PIGN: variants seen among roughly 807,000 people sequenced by gnomAD.
The protein encoded by PIGN is GPI ethanolamine phosphate transferase 1.
PIGN carries 117 observed loss-of-function variants against 125.4 expected under a neutral mutation model. That is an observed-to-expected ratio of 0.93 (90% CI 0.80 to 1.09). The LOEUF is 1.09. Ranked by LOEUF, PIGN falls within the 50% of genes least tolerant of loss-of-function variation. The pLI, the probability that PIGN is intolerant of heterozygous loss-of-function variation, is 0.00. For missense variants in PIGN, 1,075 were observed against 1,094.9 expected, an observed-to-expected ratio of 0.98 and a Z score of 0.26; for synonymous variants, 392 against 377.8, an observed-to-expected ratio of 1.04 and a Z score of -0.44.
intron 21 of PIGN, 111 bp downstream of exon 21, chr18:62,102,683 A>G (rs2034490642): frequency 1.8e-6 from 1 of 543,186 alleles, no homozygotes; most frequent in Non-Finnish European, 3.2e-6. Context: ...CAGCTGGCAG[A>G]TACTAAGTAG....
intron 7 of PIGN, among the ~76,000 whole-genome samples, chr18:62,148,594 G>T (rs972213025): frequency 3.3e-5 from 5 of 152,086 alleles, no homozygotes; most frequent in Admixed American, 3.3e-4. Flanking sequence ...ATTTCATAGA[G>T]ATCTCATAAT....
intron 26 of PIGN, 129 bp downstream of exon 26, chr18:62,085,080 T>C: frequency 3.2e-6 from 2 of 617,880 alleles, no homozygotes; most frequent in Non-Finnish European, 5.7e-6. Context: ...TGCCCTCCAG[T>C]CTAGGCAACA....
At chr18:62,169,618 T>A (rs1365964994) in intron 1 of PIGN, among the ~76,000 whole-genome samples, 2 of 151,968 alleles carry the variant, frequency 1.3e-5, no homozygotes, top group Non-Finnish European at 2.9e-5. Flanking sequence ...TAAATATATG[T>A]TTAACTTTTT....
At chr18:62,148,843 G>A (rs1311371799) in intron 7 of PIGN, among the ~76,000 whole-genome samples, 1 of 152,102 alleles carries the variant, frequency 6.6e-6, no homozygotes, top group African/African-American at 2.4e-5. Flanking sequence ...GCTAGAATGT[G>A]TTCTTCAAAT....
At chr18:62,176,216 C>T (rs62096115) in intron 1 of PIGN, among the ~76,000 whole-genome samples, 62,143 of 151,582 alleles carry the variant, frequency 0.41, 13,363 homozygotes, top group East Asian at 0.77. Context: ...CTTATCTCTA[C>T]CAGAATACAA....
chr18:62,175,726 A>G (rs2037502776), intron 1 of PIGN, among the ~76,000 whole-genome samples: 1 of 152,158 alleles, frequency 6.6e-6, no homozygotes, highest in African/African-American at 2.4e-5. Flanking sequence ...GTTTCTGTTC[A>G]CTCATGCTCA....
chr18:62,066,121 G>A (rs1302993721), intron 30 of PIGN, among the ~76,000 whole-genome samples: 1 of 152,152 alleles, frequency 6.6e-6, no homozygotes, highest in Non-Finnish European at 1.5e-5. Flanking sequence ...CATGTCACAA[G>A]GCTTTCCTTT....
chr18:62,070,085 C>T, intron 30 of PIGN: 1 of 213,340 alleles, frequency 4.7e-6, no homozygotes, highest in Non-Finnish European at 9.2e-6. Flanking sequence ...TATTAGATGC[C>T]AGGCACTATG....
intron 30 of PIGN, among the ~76,000 whole-genome samples, chr18:62,071,799 T>G (rs1191373566): frequency 6.7e-6 from 1 of 148,616 alleles, no homozygotes; most frequent in African/African-American, 2.5e-5. Context: ...AATAAACAAC[T>G]GTTACCAGTA....
chr18:62,020,986 G>A (rs1460973598), intron 23 of PIGN, among the ~76,000 whole-genome samples: 1 of 150,586 alleles, frequency 6.6e-6, no homozygotes, highest in Non-Finnish European at 1.5e-5. Context: ...AAAATTTAAA[G>A]ACTGAGCATA....
chr18:62,129,658 T>C (rs1161658623), intron 14 of PIGN, among the ~76,000 whole-genome samples: 2 of 149,590 alleles, frequency 1.3e-5, no homozygotes, highest in Non-Finnish European at 3.0e-5. Flanking sequence ...TTAGACTTTG[T>C]GTCCAACAAG....
chr18:62,063,822 G>C (rs2032343216), intron 30 of PIGN, among the ~76,000 whole-genome samples: 1 of 150,028 alleles, frequency 6.7e-6, no homozygotes, highest in Non-Finnish European at 1.5e-5. Flanking sequence ...GCAAACTATT[G>C]TGAGGACAGA....
intron 1 of PIGN, among the ~76,000 whole-genome samples, chr18:62,181,160 T>G (rs2037703703): frequency 6.6e-6 from 1 of 152,148 alleles, no homozygotes; most frequent in Non-Finnish European, 1.5e-5. Context: ...TACATTCAAA[T>G]CTTGGCTTTT....
At chr18:62,092,810 T>C (rs1211254951) in intron 23 of PIGN, among the ~76,000 whole-genome samples, 2 of 152,072 alleles carry the variant, frequency 1.3e-5, no homozygotes, top group Non-Finnish European at 2.9e-5. Flanking sequence ...AAAACAAATA[T>C]TTACAATGCT....
intron 23 of PIGN, among the ~76,000 whole-genome samples, chr18:62,018,971 C>A (rs1486908115): frequency 2.0e-5 from 3 of 152,174 alleles, no homozygotes; most frequent in Admixed American, 2.0e-4. Flanking sequence ...AATCTCAGTA[C>A]TTTCGGAGGC....
chr18:62,183,140 A>AT lies in PIGN; in HGVS notation c.-236+3703dup, dbSNP rs150810097. ...ATGATAACTATGTGTAAGGTAATGCATTTGTTACTTAGCTAGATTTGAGCA... is the reference window on the plus strand; with the variant it reads ...ATGATAACTATGTGTAAGGTAATGCATTTTGTTACTTAGCTAGATTTGAGCA... On this transcript the variant is annotated intron_variant, in intron 1 of 30. Coordinates refer to ENST00000640252, the MANE Select transcript of PIGN (RefSeq NM_176787.5). Among the ~76,000 whole-genome samples, 1,082 of 152,318 alleles carry AT rather than the reference A, an allele frequency of 7.1e-3. 14 individuals carry two copies. The highest frequency in any genetic ancestry group is 0.025 in the African/African-American group (1,033 of 41,566).
intron 30 of PIGN, among the ~76,000 whole-genome samples, chr18:62,053,249 T>G (rs2031460018): frequency 1.3e-5 from 2 of 152,168 alleles, no homozygotes; most frequent in Admixed American, 6.5e-5. Flanking sequence ...ACCAGTAGAC[T>G]GGGATTAGCT....
intron 30 of PIGN, chr18:62,070,379 C>A: frequency 2.5e-6 from 1 of 398,436 alleles, no homozygotes; most frequent in Non-Finnish European, 4.4e-6. Context: ...TATGGAGTAC[C>A]TTTTACGTAC....
At chr18:62,037,823 G>A (rs891332815), downstream of PIGN, among the ~76,000 whole-genome samples, 4 of 152,168 alleles carry the variant, frequency 2.6e-5, no homozygotes, top group Admixed American at 2.6e-4. Context: ...ACCCAGACCA[G>A]GCTCGCTGAG....
Sources: allele counts gnomAD v4.1 joint callset (sites outside exome capture counted in the v4.1 genomes callset), GRCh38; gene constraint gnomAD v4.1.1; transcripts MANE v1.5; gene names NCBI Gene and HGNC (gene_info 2026-07-23, HGNC 2026-07-21).